ATP2C1: variants seen among roughly 807,000 people sequenced by gnomAD.
The protein encoded by ATP2C1 is ATPase secretory pathway Ca2+ transporting 1.
In ATP2C1, 31 loss-of-function variants were observed where a neutral mutation model predicts 120.5. The observed-to-expected ratio is 0.26, with a 90% CI of 0.19 to 0.35. The LOEUF (loss-of-function observed/expected upper bound fraction) is 0.35, where lower values mean the gene tolerates loss of function less well. Among genes scored for constraint, ATP2C1 ranks in the 10% least tolerant of loss-of-function variants. ATP2C1 has a pLI of 1.00. For synonymous variants in ATP2C1, 351 were observed against 358.7 expected (o/e 0.98, Z 0.24); for missense variants, 731 against 1,107.5 (o/e 0.66, Z 4.83).
intron 1 of ATP2C1, chr3:130,869,215 T>C (rs2068333371): frequency 7.5e-6 from 1 of 132,962 alleles, no homozygotes; most frequent in African/African-American, 3.0e-5. Flanking sequence ...GTTAAACAGA[T>C]GCTTGAAGGC....
intron 20 of ATP2C1, among the ~76,000 whole-genome samples, chr3:130,989,524 C>T (rs1217484464): frequency 6.8e-6 from 1 of 146,894 alleles, no homozygotes; most frequent in Admixed American, 6.9e-5. Flanking sequence ...GAGATTGCGC[C>T]ATTGCACTCC....
Position 130,964,062 on chromosome 3 carries a change from A to C in ATP2C1, c.991A>C (p.Ile331Leu). 1 of 1,612,686 alleles carries C rather than the reference A, an allele frequency of 6.2e-7. No homozygotes were observed. Among genetic ancestry groups the C allele is most frequent in the Non-Finnish European group, 8.5e-7 (1 of 1,178,928 alleles). ...TATGAGAATGGTGAAGAAAAGGGCC[A>C]TTGTGAAAAAGCTGCCTATTGTTGA... ...GVMRMVKKRA[I>L]VKKLPIVETL... The change falls in exon 13 of 28, where the codon ATT becomes CTT. Residue 331 changes from isoleucine (I) to leucine (L), a missense_variant. Physicochemically the swap from Ile to Leu is conservative, Grantham distance 5. Coordinates refer to ENST00000510168, the MANE Select transcript of ATP2C1 (RefSeq NM_001378687.1).
At chr3:131,014,534 T>G (rs2063497320) in intron 26 of ATP2C1, 1 of 850,864 alleles carries the variant, frequency 1.2e-6, no homozygotes, top group African/African-American at 1.7e-5. Context: ...AAGAATAATC[T>G]GTTCTTTGAA....
chr3:131,014,497 T>TGTTTA, intron 26 of ATP2C1: 5 of 1,011,132 alleles, frequency 4.9e-6, no homozygotes, highest in Non-Finnish European at 7.1e-6. Context: ...GAGCTCTTAT[T>TGTTTA]GCTCTATAAT....
At chr3:130,918,091 C>T in intron 2 of ATP2C1, 2 of 601,116 alleles carry the variant, frequency 3.3e-6, no homozygotes, top group South Asian at 4.2e-5. Context: ...AGTTAGCCAG[C>T]CTATCCGAGT....
intron 1 of ATP2C1, among the ~76,000 whole-genome samples, chr3:130,881,222 A>T (rs2068769461): frequency 6.6e-6 from 1 of 152,192 alleles, no homozygotes; most frequent in Admixed American, 6.5e-5. Flanking sequence ...AATTTTTCCC[A>T]CAGTTTTAAT....
At chr3:130,942,621 C>T (rs1311859060) in intron 8 of ATP2C1, among the ~76,000 whole-genome samples, 1 of 152,186 alleles carries the variant, frequency 6.6e-6, no homozygotes, top group Non-Finnish European at 1.5e-5. Flanking sequence ...AATCTTTCAG[C>T]AGAGGCCTTT....
At chr3:130,987,395 T>C (rs2062070510) in intron 20 of ATP2C1, among the ~76,000 whole-genome samples, 1 of 152,182 alleles carries the variant, frequency 6.6e-6, no homozygotes, top group Non-Finnish European at 1.5e-5. Flanking sequence ...CACTGCAACC[T>C]CAAACTCCTG....
At chr3:130,961,438 C>A (rs2060814621) in intron 12 of ATP2C1, among the ~76,000 whole-genome samples, 1 of 151,788 alleles carries the variant, frequency 6.6e-6, no homozygotes, top group African/African-American at 2.4e-5. Context: ...ATTATGGGAC[C>A]TTTAATGATC....
chr3:130,951,828 A>G (rs1376729365), intron 8 of ATP2C1, among the ~76,000 whole-genome samples: 2 of 152,312 alleles, frequency 1.3e-5, no homozygotes, highest in Admixed American at 6.5e-5. Flanking sequence ...TTTGATACTA[A>G]AATGCATTCC....
At position 130,989,287 on chromosome 3, in the gene ATP2C1, G is replaced by A. The variant is rs192046164; in HGVS notation, c.1840-3664G>A. On this transcript the variant is annotated intron_variant, in intron 20 of 27. Transcript: ENST00000510168. ...CAAAAAAACAAACACACAAAAAAAC[G>A]GCTGGGTGTGGTGGCTCATGCCTGT... Among the ~76,000 whole-genome samples, 217 of 145,526 alleles carry A rather than the reference G, an allele frequency of 1.5e-3. 1 individual carries two copies. The highest frequency in any genetic ancestry group is 2.3e-3 in the Non-Finnish European group (151 of 66,590).
chr3:130,984,892 A>G (rs1030190323), intron 20 of ATP2C1, among the ~76,000 whole-genome samples: 40 of 151,674 alleles, frequency 2.6e-4, no homozygotes, highest in African/African-American at 9.7e-4. Context: ...ATTTGCAAGC[A>G]TAAACACTCA....
At chr3:130,918,165 G>T in intron 2 of ATP2C1, 2 of 981,234 alleles carry the variant, frequency 2.0e-6, no homozygotes, top group Non-Finnish European at 3.3e-6. Context: ...GATTATCTGT[G>T]CCTAGATTAT....
At chr3:130,887,860 T>C (rs1349336343) in intron 1 of ATP2C1, among the ~76,000 whole-genome samples, 11 of 152,140 alleles carry the variant, frequency 7.2e-5, no homozygotes, top group Admixed American at 6.5e-4. Context: ...CAAAACTAAG[T>C]CCTCTTTACT....
At chr3:130,895,797 A>G (rs2069577329) in intron 2 of ATP2C1, among the ~76,000 whole-genome samples, 1 of 152,158 alleles carries the variant, frequency 6.6e-6, no homozygotes, top group South Asian at 2.1e-4. Flanking sequence ...AGATGCAGTA[A>G]TGTGTTTTGC....
chr3:130,881,021 G>A (rs1230160630), intron 1 of ATP2C1, among the ~76,000 whole-genome samples: 2 of 152,162 alleles, frequency 1.3e-5, no homozygotes, highest in African/African-American at 4.8e-5. Flanking sequence ...AAACTTTTAA[G>A]TGCAAAATGT....
rs1000609163 is a variant in ATP2C1 at position 131,002,613 on chromosome 3, T to C, written c.*1263T>C. ...TTGTTTTGAGTATGTGGGCCAGAAA[T>C]TTAAAATTAGAAATTTGTTTTTCTG... On this transcript the variant is annotated 3_prime_UTR_variant, in exon 28 of 28. Coordinates refer to ENST00000510168, the MANE Select transcript of ATP2C1 (RefSeq NM_001378687.1). The C allele has an allele frequency of 1.0e-5, 10 of 985,290 alleles. No homozygotes were observed. The highest frequency in any genetic ancestry group is 5.2e-4 in the Middle Eastern group (1 of 1,936). 61.0% of individuals were successfully genotyped at this position (985,290 alleles called of 1,614,324 possible). A position where few individuals can be genotyped will look rare whatever the true frequency, so the allele number is the denominator to read the frequency against.
chr3:131,014,450 C>T, intron 26 of ATP2C1: 2 of 1,452,594 alleles, frequency 1.4e-6, no homozygotes, highest in Non-Finnish European at 1.9e-6. Context: ...GGATAACTAC[C>T]ATTGACATAG....
intron 6 of ATP2C1, among the ~76,000 whole-genome samples, chr3:130,937,674 A>G (rs1409343371): frequency 6.6e-6 from 1 of 152,222 alleles, no homozygotes; most frequent in African/African-American, 2.4e-5. Context: ...TAGTGAGATG[A>G]AGAAAATCTA....
Sources: gnomAD v4.1 joint callset for allele counts (sites outside exome capture counted in the v4.1 genomes callset) on GRCh38, gnomAD v4.1.1 for gene constraint, MANE v1.5 for transcripts, NCBI Gene and HGNC (gene_info 2026-07-23, HGNC 2026-07-21) for gene names.